DHX36: variants seen among roughly 807,000 people sequenced by gnomAD.
DHX36 encodes the protein ATP-dependent DNA/RNA helicase DHX36.
A neutral mutation model predicts 139.0 loss-of-function variants in DHX36; 50 were observed. That is an observed-to-expected ratio of 0.36 (90% confidence interval 0.29 to 0.46). The LOEUF is 0.46. DHX36 is among the 20% of genes least tolerant of loss of function. The pLI is 1.00. For missense variants in DHX36, 1,024 were observed against 1,211.3 expected, an observed-to-expected ratio of 0.85 and a Z score of 2.29; for synonymous variants, 425 against 401.9, an observed-to-expected ratio of 1.06 and a Z score of -0.69.
intron 17 of DHX36, among the ~76,000 whole-genome samples, chr3:154,286,493 C>A (rs1051550618): frequency 2.0e-5 from 3 of 150,520 alleles, no homozygotes; most frequent in African/African-American, 4.9e-5. Context: ...AAAGCAGAAT[C>A]CAAAAATACC....
chr3:154,295,644 A>T (rs1162862009), intron 12 of DHX36, among the ~76,000 whole-genome samples: 1 of 152,190 alleles, frequency 6.6e-6, no homozygotes, highest in African/African-American at 2.4e-5. Flanking sequence ...TTTCATATTG[A>T]TAAGTATTTT....
At chr3:154,313,714 A>T (rs1712857235) in intron 3 of DHX36, among the ~76,000 whole-genome samples, 1 of 152,174 alleles carries the variant, frequency 6.6e-6, no homozygotes. Flanking sequence ...ACACATATAT[A>T]GCACAGTAAC....
At chr3:154,306,111 T>C (rs965201310) in intron 6 of DHX36, 105 bp downstream of exon 6, 37 of 805,410 alleles carry the variant, frequency 4.6e-5, no homozygotes, top group Non-Finnish European at 6.6e-5. Flanking sequence ...GTAATTGTAA[T>C]AGTAATAACC....
Position 154,284,849 on chromosome 3 carries a change from T to G in DHX36, c.2170A>C (p.Ser724Arg). ...ACAAATGGATCTTTGAAACTGAGAC[T>G]AGCAGCAATAGTGAGTACTGGGTCT... ...CLDPVLTIAA[S>R]LSFKDPFVIP... The change falls in exon 18 of 25, where the codon AGT (serine) becomes CGT (arginine). Residue 724 changes from serine to arginine, a missense_variant. By Grantham distance (110) the Ser-to-Arg change is moderately radical. Transcript: ENST00000496811. 6.2e-7 allele frequency: 1 copy of G among 1,613,936 alleles called. No individual in the cohort carries two copies. Among genetic ancestry groups the G allele is most frequent in the South Asian group, 1.1e-5 (1 of 90,980 alleles).
chr3:154,296,283 G>A (rs1167166356), intron 12 of DHX36, among the ~76,000 whole-genome samples: 3 of 152,044 alleles, frequency 2.0e-5, no homozygotes, highest in Non-Finnish European at 4.4e-5. Flanking sequence ...GACCATCCTG[G>A]CTAACACGGT....
chr3:154,323,150 C>T (rs1365143167), intron 1 of DHX36, among the ~76,000 whole-genome samples: 1 of 152,044 alleles, frequency 6.6e-6, no homozygotes, highest in Non-Finnish European at 1.5e-5. Flanking sequence ...ACCTGGCCAA[C>T]ATGGTGAAAC....
rs1223494155 is a variant in DHX36 at position 154,324,313 on chromosome 3, C to G, written c.104G>C (p.Gly35Ala). ...TCCGCCGCCGCCGCCTCCTCCGGAGCCTCGGTTACCTCCATGACCCCCTGC... is the reference window on the plus strand; with the variant it reads ...TCCGCCGCCGCCGCCTCCTCCGGAGGCTCGGTTACCTCCATGACCCCCTGC... ...GPAGGHGGNR[G>A]SGGGGGGGGG... Residue 35 changes from glycine (G) to alanine (A), a missense_variant, in exon 1 of 25, where the codon GGC becomes GCC. Transcript: ENST00000496811. 6.2e-7 allele frequency: 1 copy of G among 1,611,812 alleles called. No individual in the cohort carries two copies. Among genetic ancestry groups the G allele is most frequent in the South Asian group, 1.1e-5 (1 of 90,732 alleles).
In DHX36 at chr3:154,316,170, T is replaced by A; in HGVS notation, c.244-7A>T. ...CCATGTGTACTACAGCTCTCTAGTT[T>A]GTGCAAAGAAAAAAGCATCCTTGTC... On this transcript the variant is annotated splice_region_variant and splice_polypyrimidine_tract_variant and intron_variant, in intron 1 of 24. Coordinates refer to ENST00000496811, the MANE Select transcript of DHX36 (RefSeq NM_020865.3). 1 of 1,610,602 alleles carries A rather than the reference T, an allele frequency of 6.2e-7. No individual in the cohort carries two copies. The highest frequency in any genetic ancestry group is 8.5e-7 in the Non-Finnish European group (1 of 1,178,794).
At chr3:154,312,765 T>C (rs151184324) in intron 3 of DHX36, among the ~76,000 whole-genome samples, 1,645 of 146,994 alleles carry the variant, frequency 0.011, 31 homozygotes, top group African/African-American at 0.038. Flanking sequence ...TTGGTGGAGG[T>C]TGTGGTGAGC....
Position 154,275,984 on chromosome 3 carries a change from A to G in DHX36, c.*187T>C, listed in dbSNP as rs1719135331. 3.7e-6 allele frequency: 1 copy of G among 273,278 alleles called. No homozygotes were observed. Among genetic ancestry groups the G allele is most frequent in the Admixed American group, 5.1e-5 (1 of 19,418 alleles). The allele number at this position is 273,278 out of a possible 1,614,324, so 16.9% of individuals were successfully genotyped here. ...AGAACATATTGCTTTTATGGTATAT[A>G]TATATATATATATATATCTCTACAT... is the stretch of plus-strand genomic sequence containing the variant. On this transcript the variant is annotated 3_prime_UTR_variant, in exon 25 of 25. Coordinates refer to ENST00000496811, the MANE Select transcript of DHX36 (RefSeq NM_020865.3).
intron 15 of DHX36, among the ~76,000 whole-genome samples, chr3:154,292,184 G>A (rs991035945): frequency 3.9e-5 from 6 of 152,108 alleles, no homozygotes; most frequent in Admixed American, 3.9e-4. Context: ...GTACTGTAGT[G>A]AGGATTAAGA....
In DHX36 at chr3:154,276,088, C is replaced by T; in HGVS notation, c.*83G>A. On this transcript the variant is annotated 3_prime_UTR_variant, in exon 25 of 25. Transcript: ENST00000496811. ...TTACACATGAAAATTGTTCATGTCC[C>T]AGGGTTTGGCATCCAGCCAAAATTT... 2 of 1,392,426 alleles carry T rather than the reference C, an allele frequency of 1.4e-6. No homozygotes were observed. Among genetic ancestry groups the T allele is most frequent in the South Asian group, 2.7e-5 (2 of 72,972 alleles). 86.3% of individuals were successfully genotyped at this position (1,392,426 alleles called of 1,614,324 possible). A position where few individuals can be genotyped will look rare whatever the true frequency, so the allele number is the denominator to read the frequency against.
chr3:154,286,371 A>T (rs1463561460), intron 17 of DHX36, among the ~76,000 whole-genome samples: 2 of 151,766 alleles, frequency 1.3e-5, no homozygotes, highest in Non-Finnish European at 2.9e-5. Context: ...TGCAGAAAAA[A>T]ATCTACATGA....
At chr3:154,311,069 A>G (rs1037740902) in intron 4 of DHX36, among the ~76,000 whole-genome samples, 7 of 151,304 alleles carry the variant, frequency 4.6e-5, no homozygotes, top group Admixed American at 1.3e-4. Flanking sequence ...AACAAAACAA[A>G]TCCTATCCTC....
rs535644903 is a variant in DHX36, at chr3:154,310,229, C to T, written c.643-406G>A. On this transcript the variant is annotated intron_variant, in intron 4 of 24. Transcript: ENST00000496811. Reference sequence around the variant, plus strand: ...TTGTCTGCAGAACAAGTTTTGTATGCCATTTTAGGAGCAAGGAAGAGAATA... The same window carrying T: ...TTGTCTGCAGAACAAGTTTTGTATGTCATTTTAGGAGCAAGGAAGAGAATA... Among the ~76,000 whole-genome samples, 3 of 152,122 alleles carry T rather than the reference C, an allele frequency of 2.0e-5. No individual in the cohort carries two copies. In the South Asian group the frequency reaches 6.2e-4, roughly 32 times the overall value.
At chr3:154,306,105 T>C (rs891473317) in intron 6 of DHX36, 111 bp downstream of exon 6, 25 of 769,982 alleles carry the variant, frequency 3.2e-5, no homozygotes, top group Non-Finnish European at 4.5e-5. Context: ...TAAATGGTAA[T>C]TGTAATAGTA....
chr3:154,295,822 C>T (rs1314748278), intron 12 of DHX36, among the ~76,000 whole-genome samples: 1 of 152,170 alleles, frequency 6.6e-6, no homozygotes, highest in African/African-American at 2.4e-5. Flanking sequence ...TTGCCCGTTG[C>T]TGTGGTGTGA....
chr3:154,321,596 G>C (rs355771), intron 1 of DHX36, among the ~76,000 whole-genome samples: 106,502 of 152,078 alleles, frequency 0.7, 37,763 homozygotes, highest in South Asian at 0.77. Flanking sequence ...TTAAGATACT[G>C]TCACAAAAAT....
intron 12 of DHX36, among the ~76,000 whole-genome samples, chr3:154,297,969 A>G (rs1400357073): frequency 6.6e-6 from 1 of 152,170 alleles, no homozygotes; most frequent in Non-Finnish European, 1.5e-5. Flanking sequence ...CTCAGCACAG[A>G]GTTAGGCCAA....
Sources: allele counts gnomAD v4.1 joint callset (sites outside exome capture counted in the v4.1 genomes callset), GRCh38; gene constraint gnomAD v4.1.1; transcripts MANE v1.5; gene names NCBI Gene and HGNC (gene_info 2026-07-23, HGNC 2026-07-21).